The following MYO1E variants were observed in gnomAD, a reference collection of about 807,000 sequenced individuals.
The protein encoded by MYO1E is myosin IE.
MYO1E carries 68 observed loss-of-function variants against 151.1 expected under a neutral mutation model. That is an observed-to-expected ratio of 0.45 (90% CI 0.37 to 0.55). The LOEUF is 0.55. Among genes scored for constraint, MYO1E ranks in the 20% least tolerant of loss-of-function variants. MYO1E has a pLI of 0.00. For missense variants in MYO1E, 1,363 were observed against 1,389.3 expected (o/e 0.98, Z 0.30); for synonymous variants, 601 against 501.7 (o/e 1.20, Z -2.64).
chr15:59,304,041 G>A (rs1416725397), intron 1 of MYO1E, among the ~76,000 whole-genome samples: 1 of 148,922 alleles, frequency 6.7e-6, no homozygotes, highest in Non-Finnish European at 1.5e-5. Flanking sequence ...GGAGTGCAAC[G>A]GCGCAATCTT....
intron 1 of MYO1E, among the ~76,000 whole-genome samples, chr15:59,368,682 G>T (rs1567026999): frequency 1.3e-5 from 2 of 152,004 alleles, no homozygotes; most frequent in Non-Finnish European, 2.9e-5. Context: ...GGAGGCGGAG[G>T]TTGCAGTGAG....
At chr15:59,337,080 A>G (rs1422188926) in intron 1 of MYO1E, among the ~76,000 whole-genome samples, 2 of 152,108 alleles carry the variant, frequency 1.3e-5, no homozygotes, top group South Asian at 2.1e-4. Flanking sequence ...TGAATTGTAC[A>G]GTTATTGAAT....
intron 4 of MYO1E, among the ~76,000 whole-genome samples, chr15:59,247,796 G>A (rs1369729538): frequency 6.6e-6 from 1 of 152,176 alleles, no homozygotes; most frequent in African/African-American, 2.4e-5. Flanking sequence ...GGCAATTCAG[G>A]AATCAGAAAT....
chr15:59,355,418 C>CGGGCAGGAGTGGCAGGA (rs1433996822), intron 1 of MYO1E, among the ~76,000 whole-genome samples: 1 of 152,108 alleles, frequency 6.6e-6, no homozygotes, highest in Admixed American at 6.5e-5. Flanking sequence ...CTGCCACTCA[C>CGGGCAGGAGTGGCAGGA]GTGGGAGGCT....
At chr15:59,338,169 A>G (rs1425140997) in intron 1 of MYO1E, among the ~76,000 whole-genome samples, 3 of 152,078 alleles carry the variant, frequency 2.0e-5, no homozygotes, top group African/African-American at 7.2e-5. Context: ...CTAAAAAAAA[A>G]AACAAAAATG....
chr15:59,365,273 C>T (rs1427331061), intron 1 of MYO1E, among the ~76,000 whole-genome samples: 1 of 152,136 alleles, frequency 6.6e-6, no homozygotes, highest in East Asian at 1.9e-4. Flanking sequence ...TCCACCTCAG[C>T]CTTCCAAAGT....
chr15:59,255,468 C>G (rs771713512), intron 4 of MYO1E, among the ~76,000 whole-genome samples: 5 of 152,004 alleles, frequency 3.3e-5, no homozygotes, highest in Non-Finnish European at 7.3e-5. Context: ...GATCTCAGCT[C>G]ACTGCAACCT....
chr15:59,195,557 T>C lies in MYO1E; in HGVS notation c.1709A>G (p.Asn570Ser), dbSNP rs781544197. ...TAGSKIKKQA[N>S]DLVSTLMKCT... ...TTTCATCAGGGTGCTCACAAGGTCA[T>C]TGGCTTGTTTCTAGAAAGGAAGAAC... The change falls in exon 17 of 28, where the codon AAT becomes AGT. Residue 570 changes from asparagine to serine, a missense_variant. Transcript: ENST00000288235. 13 of 1,613,590 alleles carry C rather than the reference T, an allele frequency of 8.1e-6. No individual in the cohort carries two copies. Among genetic ancestry groups the C allele is most frequent in the Non-Finnish European group, 1.0e-5 (12 of 1,179,576 alleles).
chr15:59,207,886 C>T, intron 14 of MYO1E: 2 of 1,614,140 alleles, frequency 1.2e-6, no homozygotes, highest in Non-Finnish European at 1.7e-6. Context: ...TTTGAAGAAT[C>T]TTAGGAGAAT....
Position 59,174,100 on chromosome 15 carries a change from T to C in MYO1E, c.2164+26A>G, listed in dbSNP as rs184625879. On this transcript the variant is annotated intron_variant, in intron 20 of 27. Transcript: ENST00000288235. ...AATTTACTCTTCAGATTTATTAAAA[T>C]CAATGAAACAAAATTGCTAAAATAC... is the stretch of plus-strand genomic sequence containing the variant. 5.0e-4 allele frequency: 798 copies of C among 1,588,418 alleles called. 5 individuals carry two copies. The South Asian group carries it at 7.7e-3, about 15-fold the overall frequency.
chr15:59,303,227 C>A (rs529693372), intron 1 of MYO1E, among the ~76,000 whole-genome samples: 1 of 152,172 alleles, frequency 6.6e-6, no homozygotes, highest in African/African-American at 2.4e-5. Flanking sequence ...GCCTGAGCAA[C>A]GTGGCGAAAC....
At chr15:59,220,996 T>TAATTATATATATAATATATATATA (rs2079951943) in intron 9 of MYO1E, among the ~76,000 whole-genome samples, 1 of 142,196 alleles carries the variant, frequency 7.0e-6, no homozygotes, top group African/African-American at 2.6e-5. Flanking sequence ...ATTATATATA[T>TAATTATATATATAATATATATATA]AATTATATAT....
Position 59,272,433 on chromosome 15 carries a change from T to C in MYO1E, c.20A>G (p.Tyr7Cys), listed in dbSNP as rs765316403. The C allele has an allele frequency of 1.3e-5, 21 of 1,614,094 alleles. 1 individual carries two copies. The highest frequency in any genetic ancestry group is 3.3e-4 in the Middle Eastern group (2 of 6,082). The change falls in exon 2 of 28, where the codon TAC becomes TGC. Residue 7 changes from tyrosine (Y) to cysteine (C), a missense_variant. Coordinates refer to ENST00000288235, the MANE Select transcript of MYO1E (RefSeq NM_004998.4). ...ATTGTGGCTTTGCCAGTGGTACTGG[T>C]AGACACCTTTGCTTCCCTGGGAACA... MGSKGV[Y>C]QYHWQSHNVK...
chr15:59,369,620 T>TAAA (rs2080933429), intron 1 of MYO1E, among the ~76,000 whole-genome samples: 2 of 152,220 alleles, frequency 1.3e-5, no homozygotes, highest in African/African-American at 2.4e-5. Flanking sequence ...TGCAGGGTTT[T>TAAA]TTTTAACTTC....
chr15:59,329,491 C>T (rs1339889763), intron 1 of MYO1E, among the ~76,000 whole-genome samples: 1 of 152,196 alleles, frequency 6.6e-6, no homozygotes, highest in African/African-American at 2.4e-5. Context: ...GTAAACATTT[C>T]GGGTAGCCCC....
At chr15:59,372,119 A>T (rs1472811402) in intron 1 of MYO1E, among the ~76,000 whole-genome samples, 1 of 150,568 alleles carries the variant, frequency 6.6e-6, no homozygotes, top group Non-Finnish European at 1.5e-5. Flanking sequence ...CTGCGGCGCG[A>T]GTCTCCGAGC....
intron 16 of MYO1E, among the ~76,000 whole-genome samples, chr15:59,200,481 G>T (rs2079794406): frequency 6.6e-6 from 1 of 151,686 alleles, no homozygotes; most frequent in South Asian, 2.1e-4. Context: ...ACGCTCAGAG[G>T]GCTCTACCCT....
At chr15:59,196,433 A>C (rs1480839840) in intron 16 of MYO1E, among the ~76,000 whole-genome samples, 1 of 152,172 alleles carries the variant, frequency 6.6e-6, no homozygotes, top group East Asian at 1.9e-4. Context: ...CTGTGGGTCC[A>C]AGGATGTGGC....
chr15:59,194,888 AG>A (rs750313563), intron 17 of MYO1E, among the ~76,000 whole-genome samples: 2 of 152,218 alleles, frequency 1.3e-5, no homozygotes, highest in Non-Finnish European at 2.9e-5. Flanking sequence ...CAGGGCAGAA[AG>A]GGTTTGCTGA....
Sources: gnomAD v4.1 joint callset for allele counts (sites outside exome capture counted in the v4.1 genomes callset) on GRCh38, gnomAD v4.1.1 for gene constraint, MANE v1.5 for transcripts, NCBI Gene and HGNC (gene_info 2026-07-23, HGNC 2026-07-21) for gene names.